ARHGAP29: variants seen among roughly 807,000 people sequenced by gnomAD.
ARHGAP29 encodes the protein rho GTPase-activating protein 29.
In ARHGAP29, 43 loss-of-function variants were observed where a neutral mutation model predicts 122.6. That is an observed-to-expected ratio of 0.35 (90% CI 0.27 to 0.45). ARHGAP29 has a LOEUF of 0.45. Among genes scored for constraint, ARHGAP29 ranks in the 20% least tolerant of loss-of-function variants. The pLI, the probability that ARHGAP29 is intolerant of heterozygous loss-of-function variation, is 1.00. For missense variants in ARHGAP29, 1,303 were observed against 1,477.2 expected, an observed-to-expected ratio of 0.88 and a Z score of 1.93; for synonymous variants, 506 against 497.1, an observed-to-expected ratio of 1.02 and a Z score of -0.24.
the ARHGAP29 span, among the ~76,000 whole-genome samples, chr1:94,312,045 A>C: frequency 6.6e-6 from 1 of 152,186 alleles, no homozygotes; most frequent in Non-Finnish European, 1.5e-5. Context: ...CTTAACAAAC[A>C]AACAACACCT....
At chr1:94,206,980 G>T (rs78083376) in intron 5 of ARHGAP29, among the ~76,000 whole-genome samples, 36,036 of 149,090 alleles carry the variant, frequency 0.24, 4,742 homozygotes, top group Middle Eastern at 0.36. Context: ...TATATATATA[G>T]AGAGAGAGAG....
chr1:94,235,105 AG>A (rs1455166346), intron 1 of ARHGAP29, among the ~76,000 whole-genome samples: 3 of 152,168 alleles, frequency 2.0e-5, no homozygotes, highest in African/African-American at 7.2e-5. Flanking sequence ...CTTATAAAAA[AG>A]GATTATACCC....
chr1:94,274,183 T>C (rs1307338832), intron 1 of ARHGAP29, among the ~76,000 whole-genome samples: 1 of 152,200 alleles, frequency 6.6e-6, no homozygotes, highest in Non-Finnish European at 1.5e-5. Context: ...AGATGTAATA[T>C]TTTCAGCTGT....
chr1:94,189,913 C>T lies in ARHGAP29; in HGVS notation c.1439+13G>A, dbSNP rs187410659. ...ATATTTTGAAATAATTTTGTCTGTA[C>T]ATTAATTCTCACCCATCAACTTTTT... On this transcript the variant is annotated intron_variant, in intron 13 of 22. Transcript: ENST00000260526. 3 of 1,611,338 alleles carry T rather than the reference C, an allele frequency of 1.9e-6. No individual in the cohort carries two copies. Among genetic ancestry groups the T allele is most frequent in the Non-Finnish European group, 1.7e-6 (2 of 1,178,212 alleles).
intron 15 of ARHGAP29, 47 bp downstream of exon 15, chr1:94,188,790 C>T: frequency 6.8e-7 from 1 of 1,460,874 alleles, no homozygotes; most frequent in Non-Finnish European, 9.5e-7. Flanking sequence ...TAAAAAAGGA[C>T]TGATCTTTCA....
intron 1 of ARHGAP29, among the ~76,000 whole-genome samples, chr1:94,272,738 C>A (rs368898729): frequency 6.6e-6 from 1 of 152,178 alleles, no homozygotes; most frequent in Non-Finnish European, 1.5e-5. Flanking sequence ...CCACGGAGGT[C>A]AGACCTGCAT....
intron 15 of ARHGAP29, among the ~76,000 whole-genome samples, chr1:94,188,030 C>T (rs1649909992): frequency 6.6e-6 from 1 of 152,144 alleles, no homozygotes; most frequent in Admixed American, 6.6e-5. Flanking sequence ...ATCCTGTAAT[C>T]TATTAAGATC....
intron 3 of ARHGAP29, among the ~76,000 whole-genome samples, chr1:94,216,640 G>A (rs1651969509): frequency 6.6e-6 from 1 of 151,998 alleles, no homozygotes; most frequent in African/African-American, 2.4e-5. Context: ...CAATCTTGGA[G>A]GCATAATTAA....
the ARHGAP29 span, among the ~76,000 whole-genome samples, chr1:94,301,006 C>T: frequency 6.6e-6 from 1 of 152,168 alleles, no homozygotes; most frequent in Admixed American, 6.5e-5. Flanking sequence ...ACATAAGTGA[C>T]ATTGGGCATT....
In ARHGAP29 at chr1:94,202,956, C is replaced by T. The variant is rs769579716; in HGVS notation, c.916G>A (p.Glu306Lys). ...RKNEMEKQRK[E>K]IKELWKQEQN... ...TCCTGTTTCCAAAGCTCTTTTATTT[C>T]TTTCCTTTGTTTTTCCATTTCATTT... Residue 306 changes from glutamate to lysine, a missense_variant, in exon 10 of 23, where the codon GAA becomes AAA. By Grantham distance (56) the Glu-to-Lys change is moderately conservative. Transcript: ENST00000260526. 6.2e-6 allele frequency: 10 copies of T among 1,609,344 alleles called. No individual in the cohort carries two copies. Among genetic ancestry groups the T allele is most frequent in the Non-Finnish European group, 8.5e-6 (10 of 1,178,994 alleles).
the ARHGAP29 span, among the ~76,000 whole-genome samples, chr1:94,301,551 A>G: frequency 7.9e-5 from 12 of 152,166 alleles, no homozygotes; most frequent in East Asian, 2.3e-3. Context: ...GAGGGAAGGA[A>G]GGCTCTGATT....
At chr1:94,248,380 AAC>A (rs1362918476) in intron 1 of ARHGAP29, among the ~76,000 whole-genome samples, 2 of 152,212 alleles carry the variant, frequency 1.3e-5, no homozygotes, top group Non-Finnish European at 2.9e-5. Flanking sequence ...ACCAAAATAA[AAC>A]ATTTATCTAG....
chr1:94,292,808 T>G, the ARHGAP29 span, among the ~76,000 whole-genome samples: 10 of 152,200 alleles, frequency 6.6e-5, no homozygotes, highest in Non-Finnish European at 1.3e-4. Flanking sequence ...CAAATATTGC[T>G]GCCTGATCTT....
the ARHGAP29 span, among the ~76,000 whole-genome samples, chr1:94,314,391 A>G: frequency 6.6e-6 from 1 of 152,302 alleles, no homozygotes; most frequent in South Asian, 2.1e-4. Context: ...GGGTTAACTG[A>G]ACCCAAGACT....
chr1:94,185,706 A>G (rs1649755348), intron 16 of ARHGAP29, among the ~76,000 whole-genome samples: 1 of 152,226 alleles, frequency 6.6e-6, no homozygotes, highest in Admixed American at 6.5e-5. Context: ...AAAAATCGTC[A>G]CCAAGTCACT....
At chr1:94,290,620 G>T in the ARHGAP29 span, among the ~76,000 whole-genome samples, 68 of 152,262 alleles carry the variant, frequency 4.5e-4, no homozygotes, top group Admixed American at 7.2e-4. Flanking sequence ...CTGGTACATT[G>T]TGTCTTTGTT....
At chr1:94,268,062 A>C (rs888768795) in intron 1 of ARHGAP29, among the ~76,000 whole-genome samples, 4 of 151,684 alleles carry the variant, frequency 2.6e-5, no homozygotes, top group African/African-American at 9.8e-5. Flanking sequence ...TCTGATAAAC[A>C]AAAAAACTAG....
chr1:94,182,289 A>C (rs913591800), intron 19 of ARHGAP29, among the ~76,000 whole-genome samples: 1 of 152,070 alleles, frequency 6.6e-6, no homozygotes, highest in African/African-American at 2.4e-5. Context: ...AAAAAAAGAA[A>C]TGAATGATAG....
chr1:94,308,204 A>T, the ARHGAP29 span, among the ~76,000 whole-genome samples: 1 of 152,354 alleles, frequency 6.6e-6, no homozygotes, highest in East Asian at 1.9e-4. Flanking sequence ...TTCCTCATTT[A>T]TAAAAAAGTT....
Sources: allele counts gnomAD v4.1 joint callset (sites outside exome capture counted in the v4.1 genomes callset), GRCh38; gene constraint gnomAD v4.1.1; transcripts MANE v1.5; gene names NCBI Gene and HGNC (gene_info 2026-07-23, HGNC 2026-07-21).